Variants in LIG1 observed in about 807,000 individuals in gnomAD.
LIG1 encodes ligase I, DNA, ATP-dependent.
A neutral mutation model predicts 115.7 loss-of-function variants in LIG1; 70 were observed. The ratio of observed to expected loss-of-function variants is 0.60; its 90% confidence interval spans 0.50 to 0.74. The LOEUF (loss-of-function observed/expected upper bound fraction) is 0.74. LIG1 is among the 30% of genes least tolerant of loss of function. The pLI is 0.00. For synonymous variants in LIG1, 487 were observed against 495.3 expected, an observed-to-expected ratio of 0.98 and a Z score of 0.22; for missense variants, 1,115 against 1,225.6, an observed-to-expected ratio of 0.91 and a Z score of 1.35.
At chr19:48,164,634 G>A (rs1405549221) in intron 2 of LIG1, among the ~76,000 whole-genome samples, 2 of 152,232 alleles carry the variant, frequency 1.3e-5, no homozygotes, top group Non-Finnish European at 2.9e-5. Context: ...TGAGGGTGAG[G>A]ACAACCTCAA....
intron 4 of LIG1, 42 bp from the exon 5 acceptor site, chr19:48,157,182 A>C: frequency 1.9e-6 from 3 of 1,579,112 alleles, no homozygotes; most frequent in Non-Finnish European, 2.6e-6. Flanking sequence ...CGGGGGAAGG[A>C]GGGACTCCAT....
intron 21 of LIG1, chr19:48,127,012 C>T (rs1005834913): frequency 2.0e-6 from 1 of 508,948 alleles, no homozygotes; most frequent in Non-Finnish European, 3.6e-6. Context: ...GCTTCTACGA[C>T]ACACTCTTCT....
At chr19:48,126,532 G>A (rs1186279002) in intron 21 of LIG1, among the ~76,000 whole-genome samples, 2 of 151,658 alleles carry the variant, frequency 1.3e-5, no homozygotes, top group Non-Finnish European at 2.9e-5. Flanking sequence ...CTTGAACCTG[G>A]GAGGAGGCAG....
rs1283838436 is a variant in LIG1 at position 48,140,072 on chromosome 19, G to A, written c.986C>T (p.Pro329Leu). ...VVALSPPDLL[P>L]VLYLSLNHLG... Reference sequence around the variant, plus strand: ...GTGGTTGAGGCTGAGGTAGAGGACAGGGAGGAGGTCTGGAGGCGACAGGGC... The same window carrying A: ...GTGGTTGAGGCTGAGGTAGAGGACAAGGAGGAGGTCTGGAGGCGACAGGGC... Residue 329 changes from proline (P) to leucine (L), a missense_variant, in exon 12 of 28, where the codon CCT becomes CTT. Physicochemically the swap from Pro to Leu is moderately conservative, Grantham distance 98. Transcript: ENST00000263274. The A allele has an allele frequency of 6.2e-7, 1 of 1,614,042 alleles. No homozygotes were observed. The highest frequency in any genetic ancestry group is 8.5e-7 in the Non-Finnish European group (1 of 1,180,042).
Position 48,143,613 on chromosome 19 carries a change from A to T in LIG1, c.858-14T>A. 3 of 1,607,090 alleles carry T rather than the reference A, an allele frequency of 1.9e-6. No homozygotes were observed. The highest frequency in any genetic ancestry group is 2.6e-6 in the Non-Finnish European group (3 of 1,174,614). ...AGGTAAGGAACCCTAGGGAAGGAAAAGAGACGCAAGAGTGACAGTGGTGCA... is the reference window on the plus strand; with the variant it reads ...AGGTAAGGAACCCTAGGGAAGGAAATGAGACGCAAGAGTGACAGTGGTGCA... On this transcript the variant is annotated splice_polypyrimidine_tract_variant and intron_variant, in intron 10 of 27. Transcript: ENST00000263274.
At position 48,122,018 on chromosome 19, in the gene LIG1, C is replaced by T. The variant is rs1426487752; in HGVS notation, c.2233-696G>A. 2.0e-5 allele frequency among the ~76,000 whole-genome samples: 3 copies of T among 152,196 alleles called. No homozygotes were observed. Among genetic ancestry groups the T allele is most frequent in the Non-Finnish European group, 2.9e-5 (2 of 68,036 alleles). ...CAGAAGCTCAGCCCTGGGGGCACAA[C>T]AGTGCTATTTCCTGAGACAGGAAAG... is the stretch of plus-strand genomic sequence containing the variant. On this transcript the variant is annotated intron_variant, in intron 23 of 27. Coordinates refer to ENST00000263274, the MANE Select transcript of LIG1 (RefSeq NM_000234.3). The surrounding 1 kb of genome is among the most constrained non-coding windows in gnomAD (Gnocchi z 4.3).
At chr19:48,162,498 A>G (rs1419997959) in intron 2 of LIG1, 147 bp from the exon 3 acceptor site, 1 of 594,366 alleles carries the variant, frequency 1.7e-6, no homozygotes, top group African/African-American at 1.9e-5. Context: ...CAATGGCGCA[A>G]TCTCAGCTCA....
intron 6 of LIG1, among the ~76,000 whole-genome samples, chr19:48,152,706 T>C (rs1465765441): frequency 2.6e-5 from 4 of 152,192 alleles, no homozygotes; most frequent in Admixed American, 2.6e-4. Context: ...CAGTTTTCAG[T>C]ATTAAATCAC....
Position 48,134,062 on chromosome 19 carries a change from C to G in LIG1, c.1528G>C (p.Val510Leu), listed in dbSNP as rs1017132978. Residue 510 changes from valine (V) to leucine (L), a missense_variant, in exon 17 of 28, where the codon GTT becomes CTT. Physicochemically the swap from Val to Leu is conservative, Grantham distance 32. Transcript: ENST00000263274. ...GMILKQTFCE[V>L]PDLDRIIPVL... ...GGGATAATTCGGTCCAGGTCGGGAA[C>G]CTCGCTGGGGTGGCGGGTGAGAACA... 8.4e-6 allele frequency: 13 copies of G among 1,555,590 alleles called. No homozygotes were observed. The highest frequency in any genetic ancestry group is 8.7e-6 in the Non-Finnish European group (10 of 1,149,000).
In LIG1 at chr19:48,122,972, T is replaced by C; in HGVS notation, c.2194A>G (p.Thr732Ala). Residue 732 changes from threonine (T) to alanine (A), a missense_variant, in exon 23 of 28, where the codon ACC becomes GCC. By Grantham distance (58) the Thr-to-Ala change is moderately conservative. Transcript: ENST00000263274. This position sits in a 1 kb window ranked among gnomAD's most constrained non-coding sequence, Gnocchi z 4.3. ...LMVKTLDVDATYEIAKRSHNW... is the reference protein window; with the variant it reads ...LMVKTLDVDAAYEIAKRSHNW... ...TGCGATCTCTTGGCGATCTCGTAGG[T>C]GGCATCAACATCCAGGGTCTTCACC... 5 of 1,613,358 alleles carry C rather than the reference T, an allele frequency of 3.1e-6. No homozygotes were observed. The highest frequency in any genetic ancestry group is 8.5e-7 in the Non-Finnish European group (1 of 1,179,892).
chr19:48,159,887 T>A (rs2036075205), intron 4 of LIG1, among the ~76,000 whole-genome samples: 1 of 152,072 alleles, frequency 6.6e-6, no homozygotes. Flanking sequence ...CCAGCTAATT[T>A]TTTGTATTTT....
intron 19 of LIG1, 53 bp from the exon 20 acceptor site, chr19:48,128,073 G>C (rs2033790747): frequency 7.2e-7 from 1 of 1,390,330 alleles, no homozygotes; most frequent in East Asian, 2.3e-5. Context: ...AGATGAGGTG[G>C]AAAGACAAAC....
chr19:48,163,897 A>G (rs1189286405), intron 2 of LIG1, among the ~76,000 whole-genome samples: 1 of 149,310 alleles, frequency 6.7e-6, no homozygotes, highest in East Asian at 2.0e-4. Flanking sequence ...GTGAGCCAAG[A>G]TCGCGCCACT....
At chr19:48,141,421 C>G (rs2034745456) in intron 11 of LIG1, among the ~76,000 whole-genome samples, 1 of 152,332 alleles carries the variant, frequency 6.6e-6, no homozygotes, top group South Asian at 2.1e-4. Flanking sequence ...CGTGAGCCAA[C>G]ACGGCCAGCC....
chr19:48,124,479 G>A (rs569536478), intron 21 of LIG1, among the ~76,000 whole-genome samples: 18 of 152,260 alleles, frequency 1.2e-4, no homozygotes, highest in South Asian at 6.2e-4. Context: ...CAGTGTAGCC[G>A]CCACCAGCCA....
chr19:48,146,871 T>C (rs938083949), intron 9 of LIG1, among the ~76,000 whole-genome samples: 1 of 152,214 alleles, frequency 6.6e-6, no homozygotes, highest in African/African-American at 2.4e-5. Flanking sequence ...GTCCCAGGCC[T>C]GGCCCTACCC....
chr19:48,151,432 T>C, intron 6 of LIG1, 93 bp from the exon 7 acceptor site: 1 of 828,930 alleles, frequency 1.2e-6, no homozygotes, highest in Non-Finnish European at 2.1e-6. Flanking sequence ...TCATCTGTCA[T>C]CTGTTCTTTT....
chr19:48,135,439 A>G (rs978378949), intron 16 of LIG1, among the ~76,000 whole-genome samples: 1 of 152,000 alleles, frequency 6.6e-6, no homozygotes, highest in Non-Finnish European at 1.5e-5. Flanking sequence ...GCGTCTTTCT[A>G]TACCTCTCCT....
intron 1 of LIG1, among the ~76,000 whole-genome samples, chr19:48,167,223 T>C (rs1197498767): frequency 1.3e-5 from 2 of 151,666 alleles, no homozygotes; most frequent in African/African-American, 4.8e-5. Context: ...TTACACATTA[T>C]AATTATGTAA....
Sources: gnomAD v4.1 joint callset for allele counts (sites outside exome capture counted in the v4.1 genomes callset) on GRCh38, gnomAD v4.1.1 for gene constraint, Gnocchi (gnomAD v3.1) non-coding constraint, MANE v1.5 for transcripts, NCBI Gene and HGNC (gene_info 2026-07-23, HGNC 2026-07-21) for gene names.